Variants in THSD7B observed in about 807,000 individuals in gnomAD.
THSD7B encodes thrombospondin type 1 domain containing 7B, also known as thrombospondin type-1 domain-containing protein 7B.
THSD7B carries 138 observed loss-of-function variants against 213.6 expected under a neutral mutation model. That is an observed-to-expected ratio of 0.65 (90% CI 0.56 to 0.74). The LOEUF is 0.74. Among genes scored for constraint, THSD7B ranks in the 30% least tolerant of loss-of-function variants. The pLI, the probability that THSD7B is intolerant of heterozygous loss-of-function variation, is 0.00. For synonymous variants in THSD7B, 742 were observed against 687.0 expected (o/e 1.08, Z -1.25); for missense variants, 1,931 against 1,991.5 (o/e 0.97, Z 0.58).
At chr2:136,918,151 A>G (rs554074801) in intron 2 of THSD7B, among the ~76,000 whole-genome samples, 1 of 152,322 alleles carries the variant, frequency 6.6e-6, no homozygotes, top group East Asian at 1.9e-4. Flanking sequence ...TTATTATTAT[A>G]CAAACCTTTT....
rs572797383 is a variant in THSD7B, at chr2:137,555,861, G to A, written c.3139-7360G>A. On this transcript the variant is annotated intron_variant, in intron 15 of 27. Transcript: ENST00000409968. Reference sequence around the variant, plus strand: ...AGAAGTCCTTAAAGGACCTCATGGAGCTGAAAACCATGGCATGAGAACTAC... The same window carrying A: ...AGAAGTCCTTAAAGGACCTCATGGAACTGAAAACCATGGCATGAGAACTAC... Among the ~76,000 whole-genome samples, 8 of 152,308 alleles carry A rather than the reference G, an allele frequency of 5.3e-5. No individual in the cohort carries two copies. The South Asian group carries it at 1.5e-3, about 28-fold the overall frequency.
chr2:137,179,463 A>G (rs1680414342), intron 7 of THSD7B, among the ~76,000 whole-genome samples: 1 of 152,098 alleles, frequency 6.6e-6, no homozygotes, highest in Non-Finnish European at 1.5e-5. Flanking sequence ...CTCCATTATG[A>G]CAGAGTAATT....
chr2:137,563,030 T>C lies in THSD7B; in HGVS notation c.3139-191T>C, dbSNP rs145818756. Reference sequence around the variant, plus strand: ...ATCATATTTTAGTTGATTTCCCCTGTATGCTTCTTTAGGCAAGTCAGTAAA... The same window carrying C: ...ATCATATTTTAGTTGATTTCCCCTGCATGCTTCTTTAGGCAAGTCAGTAAA... On this transcript the variant is annotated intron_variant, in intron 15 of 27. Coordinates refer to ENST00000409968, the MANE Select transcript of THSD7B (RefSeq NM_001316349.2). 5.0e-3 allele frequency among the ~76,000 whole-genome samples: 766 copies of C among 152,288 alleles called. 3 individuals carry two copies. Among genetic ancestry groups the C allele is most frequent in the Non-Finnish European group, 8.0e-3 (545 of 68,018 alleles).
At chr2:137,082,232 C>T (rs982870621) in intron 3 of THSD7B, among the ~76,000 whole-genome samples, 18 of 152,184 alleles carry the variant, frequency 1.2e-4, no homozygotes, top group African/African-American at 3.4e-4. Context: ...ACGTTCCACA[C>T]GCACTGGGTG....
At chr2:137,487,611 T>A (rs1688490639) in intron 15 of THSD7B, among the ~76,000 whole-genome samples, 2 of 150,684 alleles carry the variant, frequency 1.3e-5, no homozygotes, top group Admixed American at 1.3e-4. Context: ...ATAGATGCAA[T>A]AAAAAATGAT....
At chr2:137,419,832 A>G (rs1405747664) in intron 14 of THSD7B, among the ~76,000 whole-genome samples, 1 of 151,948 alleles carries the variant, frequency 6.6e-6, no homozygotes, top group Non-Finnish European at 1.5e-5. Context: ...GCCTCCTGTC[A>G]TTATCATTTG....
chr2:137,334,786 C>T (rs140605037), intron 12 of THSD7B, among the ~76,000 whole-genome samples: 300 of 152,292 alleles, frequency 2.0e-3, no homozygotes, highest in Middle Eastern at 0.017. Flanking sequence ...TGTCCCCACC[C>T]GAATCTCACC....
chr2:137,610,952 G>T (rs1682276880), intron 17 of THSD7B, among the ~76,000 whole-genome samples: 1 of 143,180 alleles, frequency 7.0e-6, no homozygotes. Flanking sequence ...ATAGCTTTAG[G>T]GTACATGTGC....
chr2:136,848,209 G>A (rs566203787), intron 1 of THSD7B, among the ~76,000 whole-genome samples: 1 of 152,144 alleles, frequency 6.6e-6, no homozygotes, highest in African/African-American at 2.4e-5. Flanking sequence ...AGATAACACT[G>A]TGCTAGTCTC....
chr2:136,782,175 C>A (rs1681754238), intron 1 of THSD7B, among the ~76,000 whole-genome samples: 1 of 152,162 alleles, frequency 6.6e-6, no homozygotes, highest in Non-Finnish European at 1.5e-5. Flanking sequence ...AAATCTGCAG[C>A]TTGTGAGTTG....
intron 12 of THSD7B, among the ~76,000 whole-genome samples, chr2:137,313,477 C>T (rs1344248472): frequency 6.6e-6 from 1 of 151,658 alleles, no homozygotes; most frequent in Non-Finnish European, 1.5e-5. Context: ...CAGTCTGTGT[C>T]TTTTAATTGG....
intron 12 of THSD7B, among the ~76,000 whole-genome samples, chr2:137,319,585 A>G (rs1684218192): frequency 2.0e-5 from 3 of 152,228 alleles, no homozygotes; most frequent in Admixed American, 2.0e-4. Context: ...AAACCATTTT[A>G]TGAAGTGCAA....
chr2:136,828,623 T>C (rs1355547803), intron 1 of THSD7B, among the ~76,000 whole-genome samples: 1 of 152,242 alleles, frequency 6.6e-6, no homozygotes, highest in Admixed American at 6.5e-5. Context: ...TTGTGCTCCG[T>C]GCTTTTTGCA....
chr2:137,640,252 G>A (rs769519931), intron 20 of THSD7B, among the ~76,000 whole-genome samples: 2 of 152,106 alleles, frequency 1.3e-5, no homozygotes, highest in Non-Finnish European at 2.9e-5. Context: ...AGGGGTTTCC[G>A]CTTTTGCTTC....
chr2:137,271,428 T>A lies in THSD7B; in HGVS notation c.2267-1105T>A, dbSNP rs1423827289. 8.9e-4 allele frequency among the ~76,000 whole-genome samples: 121 copies of A among 136,198 alleles called. 2 individuals are homozygous for A. In the East Asian group the frequency reaches 0.019, roughly 22 times the overall value. The allele number at this position is 136,198 out of a possible 152,430, so 89.4% of individuals were successfully genotyped here. On this transcript the variant is annotated intron_variant, in intron 10 of 27. Transcript: ENST00000409968. ...ATATGAATTATAATATATAATTATA[T>A]AATATATATAATATAATATATAATA...
intron 4 of THSD7B, among the ~76,000 whole-genome samples, chr2:137,112,318 G>GT (rs976330356): frequency 6.6e-6 from 1 of 151,770 alleles, no homozygotes; most frequent in Non-Finnish European, 1.5e-5. Context: ...TATTGGTGTG[G>GT]TTTTTCCTCT....
intron 12 of THSD7B, among the ~76,000 whole-genome samples, chr2:137,329,600 C>A (rs575868418): frequency 6.6e-6 from 1 of 152,098 alleles, no homozygotes; most frequent in African/African-American, 2.4e-5. Context: ...CTCCTGACTT[C>A]GTGATCTGCC....
intron 6 of THSD7B, among the ~76,000 whole-genome samples, chr2:137,168,415 A>G (rs1181397810): frequency 1.3e-5 from 2 of 152,182 alleles, no homozygotes; most frequent in Non-Finnish European, 2.9e-5. Flanking sequence ...ATGAACAGCG[A>G]TGTGTGATTA....
chr2:136,841,615 GGAAAA>G (rs1682923245), intron 1 of THSD7B, among the ~76,000 whole-genome samples: 1 of 144,530 alleles, frequency 6.9e-6, no homozygotes, highest in African/African-American at 2.6e-5. Context: ...AAAAAAAAGA[GGAAAA>G]GAAAAAGAAA....
Sources: gnomAD v4.1 joint callset for allele counts (sites outside exome capture counted in the v4.1 genomes callset) on GRCh38, gnomAD v4.1.1 for gene constraint, MANE v1.5 for transcripts, NCBI Gene and HGNC (gene_info 2026-07-23, HGNC 2026-07-21) for gene names.